Variants in LUZP2 observed in about 807,000 individuals in gnomAD.
LUZP2 encodes the protein leucine zipper protein 2.
LUZP2 carries 52 observed loss-of-function variants against 51.6 expected under a neutral mutation model. The observed-to-expected ratio is 1.01, with a 90% CI of 0.81 to 1.27. The LOEUF is 1.27. Ranked by LOEUF, LUZP2 falls within the 50% of genes most tolerant of loss-of-function variation. LUZP2 has a pLI of 0.00. For missense variants in LUZP2, 436 were observed against 395.4 expected, an observed-to-expected ratio of 1.10 and a Z score of -0.87; for synonymous variants, 154 against 137.3, an observed-to-expected ratio of 1.12 and a Z score of -0.85.
chr11:24,661,850 ATAATGT>A (rs1400859446), intron 1 of LUZP2, among the ~76,000 whole-genome samples: 3 of 152,176 alleles, frequency 2.0e-5, no homozygotes, highest in East Asian at 1.9e-4. Context: ...AAATTAAAAA[ATAATGT>A]TAATGCTCTT....
At chr11:24,944,960 T>TA (rs1854859625) in intron 7 of LUZP2, among the ~76,000 whole-genome samples, 1 of 152,210 alleles carries the variant, frequency 6.6e-6, no homozygotes, top group African/African-American at 2.4e-5. Flanking sequence ...TGCTCATACG[T>TA]ACATTTATGC....
chr11:24,658,288 G>A (rs528415872), intron 1 of LUZP2, among the ~76,000 whole-genome samples: 1 of 152,150 alleles, frequency 6.6e-6, no homozygotes, highest in Non-Finnish European at 1.5e-5. Context: ...ACAACTATCT[G>A]ATCTTTGACA....
intron 1 of LUZP2, among the ~76,000 whole-genome samples, chr11:24,715,876 G>A (rs10834447): frequency 0.33 from 50,500 of 151,830 alleles, 9,051 homozygotes; most frequent in Non-Finnish European, 0.4. Flanking sequence ...TTCATTATTT[G>A]TAGAGGGACT....
intron 1 of LUZP2, among the ~76,000 whole-genome samples, chr11:24,560,129 A>G (rs1303189768): frequency 6.6e-6 from 1 of 152,148 alleles, no homozygotes; most frequent in Non-Finnish European, 1.5e-5. Context: ...GGTATGATTA[A>G]GGCTATGCAG....
intron 5 of LUZP2, among the ~76,000 whole-genome samples, chr11:24,858,705 G>A (rs925219901): frequency 6.6e-5 from 10 of 152,188 alleles, no homozygotes; most frequent in East Asian, 1.9e-4. Context: ...AAAGAAGAAC[G>A]TTTATATGCA....
intron 10 of LUZP2, among the ~76,000 whole-genome samples, chr11:25,055,006 C>CTTTTTTT (rs1858635812): frequency 1.9e-5 from 2 of 104,908 alleles, no homozygotes; most frequent in Non-Finnish European, 1.9e-5. Flanking sequence ...ATCTTTTTTT[C>CTTTTTTT]TTTTCTTTTT....
intron 5 of LUZP2, among the ~76,000 whole-genome samples, chr11:24,862,551 TA>T (rs1165358156): frequency 6.6e-6 from 1 of 152,128 alleles, no homozygotes; most frequent in African/African-American, 2.4e-5. Flanking sequence ...GCCTTAAATA[TA>T]AATGGGCTAA....
intron 1 of LUZP2, among the ~76,000 whole-genome samples, chr11:24,499,641 C>T (rs538220425): frequency 7.9e-5 from 12 of 152,260 alleles, no homozygotes; most frequent in South Asian, 2.1e-4. Context: ...GTTTAGATCA[C>T]GCTGGATGCA....
chr11:24,891,473 C>T (rs1320391890), intron 5 of LUZP2: 5 of 947,158 alleles, frequency 5.3e-6, no homozygotes, highest in Non-Finnish European at 6.3e-6. Flanking sequence ...GATTTAAATA[C>T]TTTACTATAA....
At chr11:25,018,249 C>T (rs1857221599) in intron 9 of LUZP2, among the ~76,000 whole-genome samples, 1 of 152,078 alleles carries the variant, frequency 6.6e-6, no homozygotes, top group Non-Finnish European at 1.5e-5. Flanking sequence ...ATGGCATTGA[C>T]AAACAGAGAG....
chr11:24,693,735 A>G (rs1183032959), intron 1 of LUZP2, among the ~76,000 whole-genome samples: 1 of 152,050 alleles, frequency 6.6e-6, no homozygotes, highest in East Asian at 1.9e-4. Context: ...GAGACAAAAG[A>G]CACAATCACT....
At chr11:24,904,742 C>T (rs1465033500) in intron 5 of LUZP2, among the ~76,000 whole-genome samples, 1 of 152,002 alleles carries the variant, frequency 6.6e-6, no homozygotes, top group Non-Finnish European at 1.5e-5. Flanking sequence ...TTCTGCTGTG[C>T]AGAAGTAGTA....
intron 5 of LUZP2, among the ~76,000 whole-genome samples, chr11:24,863,740 A>T (rs2134250171): frequency 6.6e-6 from 1 of 152,282 alleles, no homozygotes; most frequent in South Asian, 2.1e-4. Context: ...TGTTATAAAA[A>T]CACGTCCCCA....
At position 24,738,201 on chromosome 11, in the gene LUZP2, T is replaced by C; in HGVS notation, c.252-20T>C. 6.6e-7 allele frequency: 1 copy of C among 1,505,394 alleles called. No homozygotes were observed. Among genetic ancestry groups the C allele is most frequent in the Non-Finnish European group, 9.2e-7 (1 of 1,086,374 alleles). The allele number at this position is 1,505,394 out of a possible 1,614,324, so 93.3% of individuals were successfully genotyped here. A position where few individuals can be genotyped will look rare whatever the true frequency, so the allele number is the denominator to read the frequency against. ...AATTATATTATTTTCTCACTTATGC[T>C]CTGTTTTCTACTAAAATAGAGAAGA... On this transcript the variant is annotated intron_variant, in intron 3 of 11. Coordinates refer to ENST00000336930, the MANE Select transcript of LUZP2 (RefSeq NM_001009909.4).
chr11:25,048,172 T>C (rs1370991727), intron 9 of LUZP2, among the ~76,000 whole-genome samples: 1 of 152,128 alleles, frequency 6.6e-6, no homozygotes, highest in Non-Finnish European at 1.5e-5. Context: ...TCCTCTCTAC[T>C]TTTTAGTATT....
intron 1 of LUZP2, among the ~76,000 whole-genome samples, chr11:24,691,056 T>C (rs754407178): frequency 3.9e-4 from 59 of 152,020 alleles, no homozygotes; most frequent in Non-Finnish European, 7.8e-4. Flanking sequence ...ATTGTGTCAA[T>C]GGGAATGTCA....
chr11:24,548,208 C>A (rs1046843015), intron 1 of LUZP2, among the ~76,000 whole-genome samples: 2 of 151,950 alleles, frequency 1.3e-5, no homozygotes, highest in African/African-American at 4.8e-5. Flanking sequence ...GAATATATCC[C>A]CAGAGGATTA....
intron 1 of LUZP2, among the ~76,000 whole-genome samples, chr11:24,572,294 A>G (rs1852469166): frequency 6.6e-6 from 1 of 152,038 alleles, no homozygotes; most frequent in Admixed American, 6.6e-5. Context: ...TACAGACTCA[A>G]TTTGTTAGTT....
rs142746801 is a variant in LUZP2, at chr11:24,782,007, C to G, written c.396+18699C>G. ...AAGAAGACTCTAAGTAAGTGCTTGT[C>G]AAATGCTGCTGAATGGGTAGGTGCT... On this transcript the variant is annotated intron_variant, in intron 5 of 11. Transcript: ENST00000336930. Among the ~76,000 whole-genome samples the G allele has an allele frequency of 3.3e-3, 508 of 152,088 alleles. 4 individuals carry two copies. Among genetic ancestry groups the G allele is most frequent in the African/African-American group, 0.012 (484 of 41,526 alleles).
Sources: gnomAD v4.1 joint callset for allele counts (sites outside exome capture counted in the v4.1 genomes callset) on GRCh38, gnomAD v4.1.1 for gene constraint, MANE v1.5 for transcripts, NCBI Gene and HGNC (gene_info 2026-07-23, HGNC 2026-07-21) for gene names.